MAGI2: variants seen among roughly 807,000 people sequenced by gnomAD.
MAGI2 encodes membrane-associated guanylate kinase, WW and PDZ domain-containing protein 2.
Under a neutral mutation model 133.3 loss-of-function variants are expected in MAGI2, and 35 were observed. That is an observed-to-expected ratio of 0.26 (90% CI 0.20 to 0.35). The LOEUF (loss-of-function observed/expected upper bound fraction) is 0.35. MAGI2 is among the 10% of genes least tolerant of loss of function. The pLI is 1.00. For missense variants in MAGI2, 1,636 were observed against 1,863.4 expected, an observed-to-expected ratio of 0.88 and a Z score of 2.25; for synonymous variants, 729 against 710.6, an observed-to-expected ratio of 1.03 and a Z score of -0.41.
chr7:78,392,027 G>A (rs1443512298), intron 6 of MAGI2, among the ~76,000 whole-genome samples: 1 of 152,180 alleles, frequency 6.6e-6, no homozygotes, highest in African/African-American at 2.4e-5. Context: ...CGGCTCAGCT[G>A]TTCGACAGAC....
intron 1 of MAGI2, among the ~76,000 whole-genome samples, chr7:79,024,291 T>C (rs1338031532): frequency 1.3e-5 from 2 of 152,152 alleles, no homozygotes; most frequent in Non-Finnish European, 2.9e-5. Flanking sequence ...TGAAGAAGAT[T>C]GATACCGGAC....
At chr7:78,834,594 T>C (rs1791456425) in intron 2 of MAGI2, among the ~76,000 whole-genome samples, 1 of 152,234 alleles carries the variant, frequency 6.6e-6, no homozygotes. Context: ...TTGATGCATT[T>C]AGGTTGCTTC....
chr7:78,061,194 T>C (rs1813214879), intron 21 of MAGI2, among the ~76,000 whole-genome samples: 1 of 150,446 alleles, frequency 6.6e-6, no homozygotes. Flanking sequence ...TTTTTTTTTT[T>C]AGATGGAAAA....
intron 1 of MAGI2, among the ~76,000 whole-genome samples, chr7:79,311,510 C>T (rs1034109474): frequency 1.3e-5 from 2 of 152,076 alleles, no homozygotes; most frequent in Admixed American, 6.6e-5. Flanking sequence ...ATCAGAATAG[C>T]ATTCCTCCGT....
At chr7:78,429,973 C>G (rs148420949) in intron 6 of MAGI2, among the ~76,000 whole-genome samples, 1 of 152,212 alleles carries the variant, frequency 6.6e-6, no homozygotes, top group Admixed American at 6.5e-5. Context: ...ATTTTGGATC[C>G]AGAATCCCTT....
chr7:79,428,644 AC>A (rs1847562035), intron 1 of MAGI2, among the ~76,000 whole-genome samples: 1 of 152,186 alleles, frequency 6.6e-6, no homozygotes, highest in East Asian at 1.9e-4. Flanking sequence ...TATAATCATC[AC>A]CATTATATGT....
At chr7:78,593,936 T>C (rs1804316376) in intron 3 of MAGI2, among the ~76,000 whole-genome samples, 1 of 152,348 alleles carries the variant, frequency 6.6e-6, no homozygotes, top group South Asian at 2.1e-4. Flanking sequence ...AAGCTGCTCT[T>C]GTTAAAGATA....
At chr7:78,889,956 G>A (rs544522394) in intron 2 of MAGI2, among the ~76,000 whole-genome samples, 6 of 152,076 alleles carry the variant, frequency 3.9e-5, no homozygotes, top group South Asian at 2.1e-4. Context: ...GAGTCAAGAC[G>A]CATCAGTGTG....
At chr7:79,288,217 G>A (rs1020216657) in intron 1 of MAGI2, among the ~76,000 whole-genome samples, 6 of 152,102 alleles carry the variant, frequency 3.9e-5, no homozygotes, top group African/African-American at 1.4e-4. Context: ...ACTAACACAT[G>A]TAGTCTTGCT....
At chr7:78,240,266 G>C (rs1453030702) in intron 10 of MAGI2, among the ~76,000 whole-genome samples, 1 of 152,060 alleles carries the variant, frequency 6.6e-6, no homozygotes, top group African/African-American at 2.4e-5. Flanking sequence ...AGTTTGCTGA[G>C]AATGATGGTT....
chr7:78,512,684 A>C (rs776314228), intron 4 of MAGI2, among the ~76,000 whole-genome samples: 18 of 152,192 alleles, frequency 1.2e-4, no homozygotes, highest in Non-Finnish European at 2.6e-4. Flanking sequence ...TAACATTTAT[A>C]AGCAAATTAC....
At chr7:78,530,193 AG>A (rs1797344784) in intron 3 of MAGI2, among the ~76,000 whole-genome samples, 3 of 152,208 alleles carry the variant, frequency 2.0e-5, no homozygotes, top group African/African-American at 7.2e-5. Context: ...GAGAAAACTG[AG>A]TAAACACCAA....
intron 3 of MAGI2, among the ~76,000 whole-genome samples, chr7:78,532,905 T>C (rs1217146056): frequency 6.6e-6 from 1 of 152,212 alleles, no homozygotes; most frequent in Non-Finnish European, 1.5e-5. Flanking sequence ...AAGAAAACTC[T>C]GAACTCATTT....
At chr7:78,807,970 T>G (rs1788726508) in intron 2 of MAGI2, among the ~76,000 whole-genome samples, 1 of 152,166 alleles carries the variant, frequency 6.6e-6, no homozygotes, top group Admixed American at 6.5e-5. Flanking sequence ...TCTGGCTGAC[T>G]TCGATACTCC....
At chr7:78,293,394 C>G (rs1347868552) in intron 9 of MAGI2, among the ~76,000 whole-genome samples, 2 of 152,190 alleles carry the variant, frequency 1.3e-5, no homozygotes, top group African/African-American at 4.8e-5. Context: ...GATACCATCT[C>G]ACACCAGTTA....
Position 78,350,832 on chromosome 7 carries a change from C to T in MAGI2, c.1104-4789G>A, listed in dbSNP as rs138829867. Among the ~76,000 whole-genome samples, 763 of 152,230 alleles carry T rather than the reference C, an allele frequency of 5.0e-3. 19 individuals are homozygous for T. The highest frequency in any genetic ancestry group is 0.04 in the Admixed American group (607 of 15,278). Reference sequence around the variant, plus strand: ...GCTGAAGGTTATCAAAGCCATTCCCCGACCCTCACCATCAATGCTCCCTGT... The same window carrying T: ...GCTGAAGGTTATCAAAGCCATTCCCTGACCCTCACCATCAATGCTCCCTGT... On this transcript the variant is annotated intron_variant, in intron 7 of 21. Transcript: ENST00000354212.
chr7:78,629,049 C>T (rs1051560288), intron 2 of MAGI2, among the ~76,000 whole-genome samples: 2 of 152,006 alleles, frequency 1.3e-5, no homozygotes, highest in Admixed American at 6.6e-5. Flanking sequence ...ACGTGAGCAC[C>T]AGGATCACAA....
chr7:78,832,743 G>A (rs1309367645), intron 2 of MAGI2, among the ~76,000 whole-genome samples: 1 of 152,314 alleles, frequency 6.6e-6, no homozygotes, highest in South Asian at 2.1e-4. Context: ...AAAGTGGCAT[G>A]CAGGATTGTG....
intron 1 of MAGI2, among the ~76,000 whole-genome samples, chr7:79,391,488 CAT>C (rs66941748): frequency 0.46 from 54,772 of 119,278 alleles, 13,930 homozygotes; most frequent in African/African-American, 0.71. Flanking sequence ...TTACCTTTAA[CAT>C]ATATATATAT....
Sources: allele counts gnomAD v4.1 joint callset (sites outside exome capture counted in the v4.1 genomes callset), GRCh38; gene constraint gnomAD v4.1.1; transcripts MANE v1.5; gene names NCBI Gene and HGNC (gene_info 2026-07-23, HGNC 2026-07-21).